Variants in ENOX2 observed in about 807,000 individuals in gnomAD.
ENOX2 encodes the protein ecto-NOX disulfide-thiol exchanger 2.
ENOX2 carries 36 observed loss-of-function variants against 45.0 expected under a neutral mutation model. The ratio of observed to expected loss-of-function variants is 0.80; its 90% CI spans 0.61 to 1.06. ENOX2 has a LOEUF of 1.06. ENOX2 is among the 50% of genes least tolerant of loss of function. ENOX2 has a pLI of 0.00. For synonymous variants in ENOX2, 174 were observed against 152.3 expected, an observed-to-expected ratio of 1.14 and a Z score of -1.05; for missense variants, 423 against 462.5, an observed-to-expected ratio of 0.91 and a Z score of 0.78.
At chrX:130,752,152 T>C (rs930669703) in intron 3 of ENOX2, among the ~76,000 whole-genome samples, 1 of 110,595 alleles carries the variant, frequency 9.0e-6, no homozygotes, top group African/African-American at 3.3e-5. Flanking sequence ...TTTCTTCATC[T>C]CCCTCCTTAA....
chrX:130,811,058 A>G (rs756017938), intron 2 of ENOX2, among the ~76,000 whole-genome samples: 18 of 111,629 alleles, frequency 1.6e-4, no homozygotes, highest in Admixed American at 9.4e-4. Flanking sequence ...ACAGCCCCCA[A>G]TGGACCAAGG....
At chrX:130,717,275 T>G (rs2148261076) in intron 3 of ENOX2, among the ~76,000 whole-genome samples, 1 of 112,189 alleles carries the variant, frequency 8.9e-6, no homozygotes, top group African/African-American at 3.2e-5. Flanking sequence ...CTCTGTCAGT[T>G]CCAACACCAA....
intron 2 of ENOX2, among the ~76,000 whole-genome samples, chrX:130,784,550 AG>A (rs759655513): frequency 2.8e-5 from 3 of 108,447 alleles, no homozygotes; most frequent in East Asian, 5.8e-4. Flanking sequence ...ATCCTATCAA[AG>A]GGGGGGAAAT....
At chrX:130,774,281 C>T (rs1326679291) in intron 3 of ENOX2, among the ~76,000 whole-genome samples, 2 of 111,683 alleles carry the variant, frequency 1.8e-5, no homozygotes, top group Non-Finnish European at 3.8e-5. Context: ...TATTGGAATC[C>T]TCTGGGGTGC....
chrX:130,706,063 GT>G (rs759108189), intron 3 of ENOX2, among the ~76,000 whole-genome samples: 1 of 111,851 alleles, frequency 8.9e-6, no homozygotes, highest in African/African-American at 3.2e-5. Context: ...CTTCTGATGT[GT>G]TCTCATAACA....
chrX:130,750,750 C>G (rs767186118), intron 3 of ENOX2, among the ~76,000 whole-genome samples: 1 of 111,285 alleles, frequency 9.0e-6, no homozygotes, highest in African/African-American at 3.3e-5. Context: ...CCATTCTTCT[C>G]TGTTGGTTTT....
intron 2 of ENOX2, among the ~76,000 whole-genome samples, chrX:130,831,905 C>T (rs1395553088): frequency 9.0e-6 from 1 of 110,757 alleles, no homozygotes; most frequent in East Asian, 2.8e-4. Context: ...TCCTGGATTG[C>T]TCTGAATAAT....
chrX:130,667,673 C>G lies in ENOX2; in HGVS notation c.764G>C (p.Arg255Pro). 1 of 1,210,988 alleles carries G rather than the reference C, an allele frequency of 8.3e-7. No homozygotes were observed. The highest frequency in any genetic ancestry group is 1.1e-6 in the Non-Finnish European group (1 of 894,736). Residue 255 changes from arginine to proline, a missense_variant, in exon 8 of 15, where the codon CGT becomes CCT. By Grantham distance (103) the Arg-to-Pro change is moderately radical (BLOSUM62 -2). This residue lies in a region of ENOX2 where 261 missense variants were observed against 306.8 expected (regional missense o/e 0.85). Transcript: ENST00000394363. ...CATGGAGTAGAAGTTATTGGCGCTA[C>G]GACGGTTGACCTCTCCTCGCTCTAT... ...TWIERGEVNR[R>P]SANNFYSMIQ...
At chrX:130,641,166 G>A (rs73553291) in intron 10 of ENOX2, among the ~76,000 whole-genome samples, 1,942 of 111,537 alleles carry the variant, frequency 0.017, 32 homozygotes, top group African/African-American at 0.06. Context: ...TTCAGCCTAC[G>A]CATATCATAT....
chrX:130,807,605 T>C (rs1248467063), intron 2 of ENOX2, among the ~76,000 whole-genome samples: 1 of 111,607 alleles, frequency 9.0e-6, no homozygotes, highest in African/African-American at 3.3e-5. Context: ...GGACTTATAT[T>C]CTCTCTATAG....
chrX:130,882,196 G>T (rs1490507358), intron 2 of ENOX2, among the ~76,000 whole-genome samples: 1 of 110,241 alleles, frequency 9.1e-6, no homozygotes, highest in Non-Finnish European at 1.9e-5. Flanking sequence ...GAAAATTTGG[G>T]GTGTACTTAT....
In ENOX2 at chrX:130,622,813, GATAT is replaced by G. The variant is rs759327556; in HGVS notation, c.*2497_*2500del. Among the ~76,000 whole-genome samples the G allele has an allele frequency of 3.8e-3, 426 of 111,608 alleles. 2 individuals are homozygous for G. The highest frequency in any genetic ancestry group is 0.013 in the African/African-American group (403 of 30,715). ...ATATATCTATGCTTATCTATATATA[GATAT>G]ATATGAGAGAGATCTATTTATTTTA... is the stretch of plus-strand genomic sequence containing the variant. On this transcript the variant is annotated 3_prime_UTR_variant, in exon 15 of 15. Coordinates refer to ENST00000394363, the MANE Select transcript of ENOX2 (RefSeq NM_006375.4).
intron 10 of ENOX2, 68 bp downstream of exon 10, chrX:130,656,513 T>C: frequency 1.4e-6 from 1 of 697,851 alleles, no homozygotes; most frequent in Non-Finnish European, 2.2e-6. Context: ...TACTGGGTAT[T>C]AAAAGTTTGA....
intron 9 of ENOX2, among the ~76,000 whole-genome samples, chrX:130,657,130 G>T (rs1054112977): frequency 1.8e-5 from 2 of 111,649 alleles, no homozygotes; most frequent in Non-Finnish European, 3.8e-5. Flanking sequence ...TTGAGTTTTT[G>T]TAGTTTTAGA....
intron 2 of ENOX2, among the ~76,000 whole-genome samples, chrX:130,891,490 GTTTTTT>G (rs140444679): frequency 2.2e-5 from 1 of 44,565 alleles, no homozygotes; most frequent in East Asian, 7.8e-4. Context: ...ACACTATATG[GTTTTTT>G]TTTTTTTTTT....
intron 10 of ENOX2, among the ~76,000 whole-genome samples, chrX:130,639,904 G>A (rs1377406752): frequency 1.8e-5 from 2 of 112,030 alleles, no homozygotes; most frequent in Non-Finnish European, 3.8e-5. Context: ...GTCTTAGTCC[G>A]TTTTAACTGC....
At chrX:130,683,640 C>G (rs1420910570) in intron 5 of ENOX2, among the ~76,000 whole-genome samples, 1 of 110,884 alleles carries the variant, frequency 9.0e-6, no homozygotes, top group East Asian at 2.8e-4. Context: ...AAGGTCTAAT[C>G]GCTGAAGTGA....
chrX:130,710,608 G>T (rs1044511700), intron 3 of ENOX2, among the ~76,000 whole-genome samples: 1 of 111,904 alleles, frequency 8.9e-6, no homozygotes, highest in African/African-American at 3.3e-5. Flanking sequence ...GAGAAATCCT[G>T]CTCTACTGTA....
Position 130,631,557 on chromosome X carries a change from A to G in ENOX2, c.1439T>C (p.Leu480Pro), listed in dbSNP as rs762832095. ...TTCGCTATCCTGGTTTGAGGCACAC[A>G]GCCTAGAAGCACAGCTTTCCTGTGG... Reference protein sequence around the residue: ...LKEKESCASRLCASNQDSEYP... With the variant: ...LKEKESCASRPCASNQDSEYP... Residue 480 changes from leucine to proline, a missense_variant, in exon 13 of 15, where the codon CTG (leucine) becomes CCG (proline). By Grantham distance (98) the Leu-to-Pro change is moderately conservative (BLOSUM62 -3). Around this residue, in one of 5 missense-constraint regions of ENOX2, gnomAD observed 108 missense variants for 70.6 expected, o/e 1.53. Coordinates refer to ENST00000394363, the MANE Select transcript of ENOX2 (RefSeq NM_006375.4). 3 of 1,186,391 alleles carry G rather than the reference A, an allele frequency of 2.5e-6. No individual in the cohort carries two copies. The South Asian group carries it at 5.3e-5, about 21-fold the overall frequency.
Sources: allele counts gnomAD v4.1 joint callset (sites outside exome capture counted in the v4.1 genomes callset), GRCh38; gene constraint gnomAD v4.1.1; regional missense constraint gnomAD v4.1.1; transcripts MANE v1.5; gene names NCBI Gene and HGNC (gene_info 2026-07-23, HGNC 2026-07-21).